Variants in CPXM2 observed in about 807,000 individuals in gnomAD.
CPXM2 encodes the protein carboxypeptidase X, M14 family member 2, also known as inactive carboxypeptidase-like protein X2.
Under a neutral mutation model 86.1 loss-of-function variants are expected in CPXM2, and 66 were observed. That is an observed-to-expected ratio of 0.77 (90% CI 0.63 to 0.94). The LOEUF (loss-of-function observed/expected upper bound fraction) is 0.94, where lower values mean the gene tolerates loss of function less well. Ranked by LOEUF, CPXM2 falls within the 40% of genes least tolerant of loss-of-function variation. The pLI is 0.00. For missense variants in CPXM2, 948 were observed against 1,026.3 expected (o/e 0.92, Z 1.04); for synonymous variants, 388 against 400.2 (o/e 0.97, Z 0.36).
At chr10:123,764,488 T>G (rs1014752984) in intron 10 of CPXM2, among the ~76,000 whole-genome samples, 3 of 151,084 alleles carry the variant, frequency 2.0e-5, no homozygotes, top group Non-Finnish European at 1.5e-5. Context: ...TTATTTTATG[T>G]ATTATAATTT....
chr10:123,915,544 C>T (rs377373549), intron 2 of CPXM2, among the ~76,000 whole-genome samples: 64 of 148,262 alleles, frequency 4.3e-4, no homozygotes, highest in East Asian at 3.1e-3. Context: ...GGCAACAGAG[C>T]GAGATTGTCA....
At chr10:123,929,861 A>T (rs1371505838) in intron 2 of CPXM2, among the ~76,000 whole-genome samples, 1 of 152,172 alleles carries the variant, frequency 6.6e-6, no homozygotes, top group Non-Finnish European at 1.5e-5. Flanking sequence ...TCAGAAAGGG[A>T]CAAGAAGCCT....
chr10:123,768,826 T>C, intron 8 of CPXM2, 104 bp from the exon 9 acceptor site: 4 of 1,011,656 alleles, frequency 4.0e-6, no homozygotes, highest in Non-Finnish European at 5.8e-6. Flanking sequence ...TAATATAAGC[T>C]TACCGTTTTA....
chr10:123,915,589 T>C (rs1373636582), intron 2 of CPXM2, among the ~76,000 whole-genome samples: 1 of 152,030 alleles, frequency 6.6e-6, no homozygotes, highest in East Asian at 1.9e-4. Flanking sequence ...GCCCCACATA[T>C]TATTCTCCAT....
intron 2 of CPXM2, among the ~76,000 whole-genome samples, chr10:123,928,491 A>C (rs773999836): frequency 1.3e-5 from 2 of 152,330 alleles, no homozygotes; most frequent in South Asian, 4.1e-4. Flanking sequence ...AAATTGTGGC[A>C]TCTCTCTCCC....
chr10:123,775,676 T>C (rs1339407704), intron 7 of CPXM2, among the ~76,000 whole-genome samples: 2 of 152,236 alleles, frequency 1.3e-5, no homozygotes, highest in Non-Finnish European at 1.5e-5. Context: ...AAAGTATTGG[T>C]TAACAAAGTG....
chr10:123,749,126 A>G (rs1041003537), intron 13 of CPXM2, among the ~76,000 whole-genome samples: 9 of 152,140 alleles, frequency 5.9e-5, no homozygotes, highest in African/African-American at 2.2e-4. Flanking sequence ...ATTAGGTCTC[A>G]GCTACCAAGG....
intron 4 of CPXM2, among the ~76,000 whole-genome samples, chr10:123,825,242 C>A (rs1042042122): frequency 6.6e-6 from 1 of 152,094 alleles, no homozygotes; most frequent in African/African-American, 2.4e-5. Context: ...AGAGAAGAGA[C>A]AGAGAGGAAG....
chr10:123,902,153 T>C (rs756348118), intron 2 of CPXM2, among the ~76,000 whole-genome samples: 5 of 152,244 alleles, frequency 3.3e-5, no homozygotes, highest in African/African-American at 4.8e-5. Context: ...GTTTAAATTT[T>C]ATATTTCAGT....
intron 2 of CPXM2, among the ~76,000 whole-genome samples, chr10:123,868,891 A>G (rs1332850398): frequency 6.6e-6 from 1 of 152,204 alleles, no homozygotes; most frequent in Non-Finnish European, 1.5e-5. Context: ...AGTTAGAATG[A>G]GAGGTTAGAA....
chr10:123,881,225 A>G, intron 1 of CPXM2, among the ~76,000 whole-genome samples: 1 of 52,954 alleles, frequency 1.9e-5, no homozygotes, highest in African/African-American at 1.4e-4. Flanking sequence ...CTCCTGGAGC[A>G]CCCTTCTCTT....
intron 1 of CPXM2, among the ~76,000 whole-genome samples, chr10:123,882,101 C>G (rs1945102416): frequency 6.6e-6 from 1 of 152,194 alleles, no homozygotes; most frequent in African/African-American, 2.4e-5. Context: ...TAAAAGGACA[C>G]TTATTAAGAA....
chr10:123,830,894 G>GTGTGTGTGTGTGTA (rs1848154245), intron 4 of CPXM2, among the ~76,000 whole-genome samples: 3 of 151,498 alleles, frequency 2.0e-5, no homozygotes, highest in African/African-American at 7.3e-5. Flanking sequence ...GTGTGTGTGT[G>GTGTGTGTGTGTGTA]TGTGTGTGTG....
At chr10:123,919,787 C>T (rs1945566335) in intron 2 of CPXM2, among the ~76,000 whole-genome samples, 1 of 152,150 alleles carries the variant, frequency 6.6e-6, no homozygotes, top group African/African-American at 2.4e-5. Context: ...ATAGACTGTA[C>T]AAGAAGGATG....
intron 2 of CPXM2, among the ~76,000 whole-genome samples, chr10:123,920,544 G>A (rs1945571520): frequency 6.6e-6 from 1 of 152,214 alleles, no homozygotes; most frequent in Non-Finnish European, 1.5e-5. Context: ...CTAGGTAGAA[G>A]TAAAATAAAG....
chr10:123,778,491 T>C (rs1464513150), intron 7 of CPXM2, among the ~76,000 whole-genome samples: 1 of 152,172 alleles, frequency 6.6e-6, no homozygotes, highest in Non-Finnish European at 1.5e-5. Context: ...GGGGCTGCAC[T>C]GATTATCCAA....
chr10:123,776,546 A>G (rs1846795087), intron 7 of CPXM2: 2 of 152,258 alleles, frequency 1.3e-5, no homozygotes. Context: ...AGTATTCATT[A>G]AAAGTTATGA....
At chr10:123,917,655 G>A (rs1024456408) in intron 2 of CPXM2, among the ~76,000 whole-genome samples, 2 of 152,184 alleles carry the variant, frequency 1.3e-5, no homozygotes, top group Admixed American at 1.3e-4. Flanking sequence ...TTTTACAGAA[G>A]TAGCAAGTTG....
At chr10:123,783,264 A>C (rs1426466739) in intron 6 of CPXM2, among the ~76,000 whole-genome samples, 1 of 152,220 alleles carries the variant, frequency 6.6e-6, no homozygotes, top group African/African-American at 2.4e-5. Flanking sequence ...TTCTTAATAA[A>C]CTTGCTTTCA....
Sources: allele counts gnomAD v4.1 joint callset (sites outside exome capture counted in the v4.1 genomes callset), GRCh38; gene constraint gnomAD v4.1.1; transcripts MANE v1.5; gene names NCBI Gene and HGNC (gene_info 2026-07-23, HGNC 2026-07-21).